Variants in NCKAP5 observed in about 807,000 individuals in gnomAD.
NCKAP5 encodes the protein nck-associated protein 5.
A neutral mutation model predicts 167.0 loss-of-function variants in NCKAP5; 92 were observed. The observed-to-expected ratio is 0.55, with a 90% CI of 0.47 to 0.66. The LOEUF (loss-of-function observed/expected upper bound fraction) is 0.66, where lower values mean the gene tolerates loss of function less well. Among genes scored for constraint, NCKAP5 ranks in the 30% least tolerant of loss-of-function variants. The probability of loss-of-function intolerance (pLI) is 0.00; values close to 1 mark genes in which losing one functional copy is unlikely to be tolerated. For synonymous variants in NCKAP5, 891 were observed against 877.4 expected, an observed-to-expected ratio of 1.02 and a Z score of -0.27; for missense variants, 2,378 against 2,315.0, an observed-to-expected ratio of 1.03 and a Z score of -0.56.
the NCKAP5 span, among the ~76,000 whole-genome samples, chr2:133,659,543 C>A: frequency 6.6e-6 from 1 of 152,050 alleles, no homozygotes; most frequent in Non-Finnish European, 1.5e-5. Flanking sequence ...AGGATACCAT[C>A]AAGAACATGA....
At chr2:133,345,567 T>C (rs1683915054) in intron 3 of NCKAP5, among the ~76,000 whole-genome samples, 1 of 152,176 alleles carries the variant, frequency 6.6e-6, no homozygotes, top group African/African-American at 2.4e-5. Flanking sequence ...GATTCTAGTT[T>C]AATTGTTGTG....
chr2:133,639,351 G>C, the NCKAP5 span, among the ~76,000 whole-genome samples: 16 of 152,250 alleles, frequency 1.1e-4, no homozygotes, highest in Admixed American at 8.5e-4. Context: ...ACGTAGACAA[G>C]AAGACATGAC....
At chr2:132,703,246 T>C (rs1450491822) in intron 19 of NCKAP5, among the ~76,000 whole-genome samples, 1 of 152,166 alleles carries the variant, frequency 6.6e-6, no homozygotes, top group Non-Finnish European at 1.5e-5. Context: ...TGTGAAAAAT[T>C]TAAAAATAAA....
intron 3 of NCKAP5, among the ~76,000 whole-genome samples, chr2:133,330,997 C>A (rs1682816129): frequency 6.6e-6 from 1 of 152,130 alleles, no homozygotes; most frequent in Admixed American, 6.5e-5. Flanking sequence ...CCCACTGTAC[C>A]ATGTGCTATT....
the NCKAP5 span, among the ~76,000 whole-genome samples, chr2:133,666,409 G>A: frequency 6.6e-6 from 1 of 151,780 alleles, no homozygotes; most frequent in South Asian, 2.1e-4. Context: ...TGTTGGCCAG[G>A]CTGGTCTCAA....
chr2:133,429,827 G>C (rs2151121091), intron 3 of NCKAP5, among the ~76,000 whole-genome samples: 1 of 152,064 alleles, frequency 6.6e-6, no homozygotes, highest in East Asian at 1.9e-4. Context: ...TTTTCCTTTA[G>C]GTATATACCC....
chr2:133,015,801 G>A (rs1222466977), intron 6 of NCKAP5, among the ~76,000 whole-genome samples: 1 of 152,186 alleles, frequency 6.6e-6, no homozygotes, highest in African/African-American at 2.4e-5. Context: ...TAAGTACCAT[G>A]AAAGAGGTAG....
the NCKAP5 span, among the ~76,000 whole-genome samples, chr2:133,576,885 G>T: frequency 6.6e-6 from 1 of 152,206 alleles, no homozygotes; most frequent in Non-Finnish European, 1.5e-5. Flanking sequence ...TCCAAAGGTC[G>T]CAGGGTTAGT....
chr2:133,637,055 T>C, the NCKAP5 span, among the ~76,000 whole-genome samples: 1 of 142,326 alleles, frequency 7.0e-6, no homozygotes, highest in Non-Finnish European at 1.5e-5. Flanking sequence ...TTAATAAATA[T>C]ATTTAATACT....
chr2:132,680,159 G>T (rs991547916), intron 19 of NCKAP5, among the ~76,000 whole-genome samples: 5 of 151,990 alleles, frequency 3.3e-5, no homozygotes, highest in African/African-American at 7.3e-5. Context: ...CTTTCTCCCG[G>T]TGCTCGGTTC....
At chr2:132,919,637 A>G (rs1695153813) in intron 8 of NCKAP5, among the ~76,000 whole-genome samples, 2 of 152,218 alleles carry the variant, frequency 1.3e-5, no homozygotes, top group African/African-American at 2.4e-5. Context: ...CAGATCAGCA[A>G]CGACAGACAA....
chr2:133,029,248 A>G (rs767900520), intron 6 of NCKAP5, among the ~76,000 whole-genome samples: 6 of 152,232 alleles, frequency 3.9e-5, no homozygotes, highest in Non-Finnish European at 7.3e-5. Context: ...GCAGATAGGT[A>G]TCTTATGTCA....
rs1683466774 is a variant in NCKAP5 at position 132,785,307 on chromosome 2, T to C, written c.1504A>G (p.Lys502Glu). 2 of 1,608,698 alleles carry C rather than the reference T, an allele frequency of 1.2e-6. No individual in the cohort carries two copies. The highest frequency in any genetic ancestry group is 1.7e-6 in the Non-Finnish European group (2 of 1,176,820). Reference sequence around the variant, plus strand: ...CTGTCGGAAACACTGTGGGTTAATTTACTGCCATGTGGCCTGCAGCTCTGG... The same window carrying C: ...CTGTCGGAAACACTGTGGGTTAATTCACTGCCATGTGGCCTGCAGCTCTGG... ...PNQSCRPHGSKLTHSVSDSLF... is the reference protein window; with the variant it reads ...PNQSCRPHGSELTHSVSDSLF... The change falls in exon 14 of 20, where the codon AAA becomes GAA. Residue 502 changes from lysine to glutamate, a missense_variant. Lys to Glu is a moderately conservative substitution (Grantham distance 56). Transcript: ENST00000409261.
chr2:133,658,873 G>A, the NCKAP5 span, among the ~76,000 whole-genome samples: 1 of 151,846 alleles, frequency 6.6e-6, no homozygotes, highest in Non-Finnish European at 1.5e-5. Flanking sequence ...CCGAAATACT[G>A]ACTTTTGAGG....
At chr2:132,887,478 A>C (rs1415955883) in intron 8 of NCKAP5, among the ~76,000 whole-genome samples, 1 of 152,132 alleles carries the variant, frequency 6.6e-6, no homozygotes, top group Non-Finnish European at 1.5e-5. Flanking sequence ...CACCAATATA[A>C]TATCTATCTT....
intron 7 of NCKAP5, among the ~76,000 whole-genome samples, chr2:132,985,107 C>CT (rs1393094410): frequency 6.6e-6 from 1 of 151,814 alleles, no homozygotes; most frequent in Non-Finnish European, 1.5e-5. Flanking sequence ...AGAGAAGGTG[C>CT]TTTTCCAGGG....
chr2:133,224,088 A>G (rs76402135), intron 4 of NCKAP5, among the ~76,000 whole-genome samples: 2,817 of 152,288 alleles, frequency 0.018, 79 homozygotes, highest in African/African-American at 0.064. Flanking sequence ...AGCCCTCTAC[A>G]TCCTTATCCT....
intron 3 of NCKAP5, among the ~76,000 whole-genome samples, chr2:133,513,608 C>T (rs1475239518): frequency 6.6e-6 from 1 of 152,174 alleles, no homozygotes; most frequent in Non-Finnish European, 1.5e-5. Context: ...GTCTTGATTA[C>T]TATAACGATT....
rs185096374 is a variant in NCKAP5 at position 133,200,134 on chromosome 2, C to T, written c.207+13582G>A. On this transcript the variant is annotated intron_variant, in intron 5 of 19. Transcript: ENST00000409261. ...GATATGGAAATGCAGATGCAAAGAG[C>T]TTAGAATAGAAAAAAATCTTTAAAG... Among the ~76,000 whole-genome samples, 33 of 135,072 alleles carry T rather than the reference C, an allele frequency of 2.4e-4. No individual in the cohort carries two copies. In the East Asian group the frequency reaches 6.6e-3, roughly 27 times the overall value. 88.6% of individuals were successfully genotyped at this position (135,072 alleles called of 152,430 possible). A position where few individuals can be genotyped will look rare whatever the true frequency, so the allele number is the denominator to read the frequency against.
Sources: allele counts gnomAD v4.1 joint callset (sites outside exome capture counted in the v4.1 genomes callset), GRCh38; gene constraint gnomAD v4.1.1; transcripts MANE v1.5; gene names NCBI Gene and HGNC (gene_info 2026-07-23, HGNC 2026-07-21).